The following CCDC32 variants were observed in gnomAD, a reference collection of about 807,000 sequenced individuals.
CCDC32 encodes coiled-coil domain-containing protein 32.
Under a neutral mutation model 20.1 loss-of-function variants are expected in CCDC32, and 9 were observed. That is an observed-to-expected ratio of 0.45 (90% CI 0.27 to 0.78). CCDC32 has a LOEUF of 0.78. CCDC32 is among the 30% of genes least tolerant of loss of function. The pLI, the probability that CCDC32 is intolerant of heterozygous loss-of-function variation, is 0.16. For synonymous variants in CCDC32, 63 were observed against 79.0 expected (o/e 0.80, Z 1.07); for missense variants, 204 against 215.5 (o/e 0.95, Z 0.33).
At chr15:40,535,788 C>G (rs1445497008), downstream of CCDC32, 3 of 380,560 alleles carry the variant, frequency 7.9e-6, no homozygotes, top group African/African-American at 6.6e-5. Context: ...CATATGCTGT[C>G]CCTGAAATGC....
intron 1 of CCDC32, among the ~76,000 whole-genome samples, 156 bp from the exon 2 acceptor site, chr15:40,563,183 C>G (rs1890774905): frequency 6.6e-6 from 1 of 152,016 alleles, no homozygotes; most frequent in Non-Finnish European, 1.5e-5. Flanking sequence ...GGAAACATGG[C>G]AAAATCCCAT....
chr15:40,557,138 TCTA>T (rs1890296844), intron 3 of CCDC32, 75 bp downstream of exon 3: 6 of 1,514,142 alleles, frequency 4.0e-6, no homozygotes, highest in African/African-American at 1.4e-5. Context: ...TTCTTAAAAA[TCTA>T]CTGCTGGGCT....
At chr15:40,523,826 G>C (rs1894863926), downstream of CCDC32, among the ~76,000 whole-genome samples, 1 of 152,170 alleles carries the variant, frequency 6.6e-6, no homozygotes, top group Non-Finnish European at 1.5e-5. Flanking sequence ...GGAACAATTA[G>C]AACTCTCATT....
downstream of CCDC32, among the ~76,000 whole-genome samples, chr15:40,530,296 A>G (rs1180609254): frequency 2.0e-5 from 3 of 149,604 alleles, no homozygotes; most frequent in Admixed American, 6.7e-5. Context: ...CATCTCAAAA[A>G]AAAAAAAAAA....
chr15:40,555,477 A>G (rs1890172275), intron 3 of CCDC32, among the ~76,000 whole-genome samples: 1 of 152,204 alleles, frequency 6.6e-6, no homozygotes, highest in African/African-American at 2.4e-5. Context: ...ATATAAGTAA[A>G]TACCAAATTA....
chr15:40,564,728 A>C, intron 1 of CCDC32: 1 of 1,614,162 alleles, frequency 6.2e-7, no homozygotes, highest in Non-Finnish European at 8.5e-7. Flanking sequence ...CCCAACCCGA[A>C]TTCGTCTAAA....
At chr15:40,556,103 C>T (rs1595892350) in intron 3 of CCDC32, among the ~76,000 whole-genome samples, 1 of 152,334 alleles carries the variant, frequency 6.6e-6, no homozygotes, top group African/African-American at 2.4e-5. Context: ...GGTTACTTAC[C>T]CAAGAACATA....
At chr15:40,563,169 C>T (rs1340519416) in intron 1 of CCDC32, 142 bp from the exon 2 acceptor site, 2 of 1,023,662 alleles carry the variant, frequency 2.0e-6, no homozygotes, top group African/African-American at 3.2e-5. Context: ...TCGAGACCAG[C>T]CTGGGAAACA....
chr15:40,561,405 G>A (rs536225363), intron 2 of CCDC32, among the ~76,000 whole-genome samples: 20 of 151,942 alleles, frequency 1.3e-4, no homozygotes, highest in African/African-American at 4.1e-4. Flanking sequence ...CCCGTGAGGC[G>A]GAGGTTGCAG....
chr15:40,561,064 TTAGA>T (rs1890588684), intron 2 of CCDC32, among the ~76,000 whole-genome samples: 1 of 152,136 alleles, frequency 6.6e-6, no homozygotes, highest in Non-Finnish European at 1.5e-5. Flanking sequence ...CTGCAGCAAC[TTAGA>T]TGGAGCTGGA....
At chr15:40,528,924 G>A in intron 3 of CCDC32, 1 of 612,044 alleles carries the variant, frequency 1.6e-6, no homozygotes, top group South Asian at 2.0e-5. Context: ...AGCACGTGCT[G>A]AGTGGTATTC....
chr15:40,554,940 G>C (rs1890140283), intron 3 of CCDC32, among the ~76,000 whole-genome samples: 1 of 152,128 alleles, frequency 6.6e-6, no homozygotes, highest in Non-Finnish European at 1.5e-5. Flanking sequence ...GGCATCTCTT[G>C]GTATATGGGG....
chr15:40,539,880 A>ACACACACACACACACACACACACACC (rs769226221), intron 3 of CCDC32, among the ~76,000 whole-genome samples: 16 of 139,140 alleles, frequency 1.1e-4, no homozygotes, highest in African/African-American at 3.4e-4. Context: ...ACACACACAC[A>ACACACACACACACACACACACACACC]CCCCGCTCCT....
At chr15:40,525,016 C>T (rs1282900473), downstream of CCDC32, among the ~76,000 whole-genome samples, 3 of 151,684 alleles carry the variant, frequency 2.0e-5, no homozygotes, top group Non-Finnish European at 2.9e-5. Flanking sequence ...GCATGAGTCA[C>T]CATGCCCAGC....
downstream of CCDC32, among the ~76,000 whole-genome samples, chr15:40,534,062 T>C (rs553500519): frequency 6.6e-6 from 1 of 152,350 alleles, no homozygotes; most frequent in East Asian, 1.9e-4. Flanking sequence ...CCATTTAAAA[T>C]ATTAATGACT....
rs576553827 is a variant in CCDC32, at chr15:40,563,139, G to A, written c.-12-112C>T. On this transcript the variant is annotated intron_variant, in intron 1 of 3. Coordinates refer to ENST00000416810, the MANE Select transcript of CCDC32 (RefSeq NM_001080792.4). ...ACACTTTGGGAAGCCGAGGCAGTCA[G>A]ATCATTTGAGGCCAGCAGTTCGAGA... The A allele has an allele frequency of 1.9e-5, 25 of 1,282,716 alleles. No individual in the cohort carries two copies. In the African/African-American group the frequency reaches 3.1e-4, roughly 16 times the overall value. 79.5% of individuals were successfully genotyped at this position (1,282,716 alleles called of 1,614,324 possible).
intron 1 of CCDC32, among the ~76,000 whole-genome samples, chr15:40,563,479 A>G (rs1395874075): frequency 6.6e-6 from 1 of 152,196 alleles, no homozygotes; most frequent in African/African-American, 2.4e-5. Flanking sequence ...ATAGATACAG[A>G]AAATAGGATG....
chr15:40,535,959 C>G (rs1889090907), downstream of CCDC32: 1 of 152,232 alleles, frequency 6.6e-6, no homozygotes, highest in Non-Finnish European at 1.5e-5. Context: ...ATGCTGTCAG[C>G]AAGAGAAACA....
chr15:40,526,509 A>G (rs535213207), downstream of CCDC32, among the ~76,000 whole-genome samples: 1 of 152,304 alleles, frequency 6.6e-6, no homozygotes, highest in South Asian at 2.1e-4. Context: ...GATTGTCTCC[A>G]TATACTTTTC....
Sources: allele counts gnomAD v4.1 joint callset (sites outside exome capture counted in the v4.1 genomes callset), GRCh38; gene constraint gnomAD v4.1.1; transcripts MANE v1.5; gene names NCBI Gene and HGNC (gene_info 2026-07-23, HGNC 2026-07-21).